Variants in CTNNA1 observed in about 807,000 individuals in gnomAD.
CTNNA1 encodes catenin alpha-1.
CTNNA1 carries 37 observed loss-of-function variants against 98.4 expected under a neutral mutation model. That is an observed-to-expected ratio of 0.38 (90% confidence interval 0.29 to 0.49). CTNNA1 has a LOEUF of 0.49. CTNNA1 is among the 20% of genes least tolerant of loss of function. CTNNA1 has a pLI of 0.95. For synonymous variants in CTNNA1, 404 were observed against 413.2 expected, an observed-to-expected ratio of 0.98 and a Z score of 0.27; for missense variants, 761 against 1,147.2, an observed-to-expected ratio of 0.66 and a Z score of 4.86.
chr5:138,917,801 C>T lies in CTNNA1; in HGVS notation c.1449C>T (p.Asn483=), dbSNP rs1162782641. 5.0e-6 allele frequency: 8 copies of T among 1,614,148 alleles called. No homozygotes were observed. Among genetic ancestry groups the T allele is most frequent in the Non-Finnish European group, 6.8e-6 (8 of 1,180,014 alleles). Residue 483 remains asparagine, a synonymous_variant, in exon 11 of 18, where the codon AAC becomes AAT. Coordinates refer to ENST00000302763, the MANE Select transcript of CTNNA1 (RefSeq NM_001903.5). The part of the protein sequence containing the change: ...AKPQSKLAQE[N]MDLFKEQWEK... Reference sequence around the variant, plus strand: ...CACAGAGTAAACTGGCCCAAGAGAACATGGATCTTTTTAAAGAACAATGGG... The same window carrying T: ...CACAGAGTAAACTGGCCCAAGAGAATATGGATCTTTTTAAAGAACAATGGG...
chr5:138,914,009 C>A (rs904736088), intron 10 of CTNNA1, among the ~76,000 whole-genome samples: 1 of 152,204 alleles, frequency 6.6e-6, no homozygotes, highest in Non-Finnish European at 1.5e-5. Flanking sequence ...AGCCACTGTG[C>A]TCAGCCAGGA....
chr5:138,908,411 T>C (rs1759763921), intron 10 of CTNNA1, among the ~76,000 whole-genome samples: 1 of 152,222 alleles, frequency 6.6e-6, no homozygotes, highest in Non-Finnish European at 1.5e-5. Context: ...CTCACATCTG[T>C]AATCCCAGCA....
chr5:138,811,947 G>A (rs907546513), intron 4 of CTNNA1: 14 of 371,322 alleles, frequency 3.8e-5, no homozygotes, highest in South Asian at 2.2e-4. Context: ...AGAGGGAGAG[G>A]GAGGGGAAGG....
intron 7 of CTNNA1, among the ~76,000 whole-genome samples, chr5:138,850,953 G>A (rs965673232): frequency 5.3e-5 from 8 of 152,140 alleles, no homozygotes; most frequent in Admixed American, 3.9e-4. Flanking sequence ...GTTCTGTTAG[G>A]GGAATATTGA....
At chr5:138,766,550 C>T (rs1336242311) in intron 1 of CTNNA1, among the ~76,000 whole-genome samples, 1 of 151,326 alleles carries the variant, frequency 6.6e-6, no homozygotes, top group Non-Finnish European at 1.5e-5. Context: ...TATTCTCAAC[C>T]AGAGATAACA....
chr5:138,839,144 A>G (rs1475397937), intron 7 of CTNNA1, among the ~76,000 whole-genome samples: 2 of 152,132 alleles, frequency 1.3e-5, no homozygotes, highest in African/African-American at 4.8e-5. Flanking sequence ...AAATTTGTTA[A>G]TTGAGCCTTG....
chr5:138,795,752 T>TC (rs1491190830), intron 3 of CTNNA1, among the ~76,000 whole-genome samples: 2 of 148,768 alleles, frequency 1.3e-5, no homozygotes, highest in African/African-American at 5.0e-5. Context: ...ACTTTCTCTC[T>TC]TTTTTTTTTC....
chr5:138,832,031 A>G (rs1224681373), intron 7 of CTNNA1, among the ~76,000 whole-genome samples: 1 of 152,228 alleles, frequency 6.6e-6, no homozygotes, highest in Admixed American at 6.5e-5. Context: ...CTTTCACTAT[A>G]CAGATGACAT....
intron 9 of CTNNA1, among the ~76,000 whole-genome samples, chr5:138,902,772 A>G (rs1342691692): frequency 6.6e-6 from 1 of 152,208 alleles, no homozygotes; most frequent in Non-Finnish European, 1.5e-5. Context: ...GATCATCATC[A>G]GATTTTATGT....
At chr5:138,780,239 G>A (rs139397708) in intron 1 of CTNNA1, among the ~76,000 whole-genome samples, 58 of 151,546 alleles carry the variant, frequency 3.8e-4, no homozygotes, top group South Asian at 1.7e-3. Flanking sequence ...CGCCCAGGCC[G>A]GACTGCAGTG....
intron 9 of CTNNA1, among the ~76,000 whole-genome samples, chr5:138,897,682 G>C (rs901206444): frequency 6.6e-6 from 1 of 152,172 alleles, no homozygotes; most frequent in African/African-American, 2.4e-5. Context: ...AAGCATACTA[G>C]CTTGATTTTT....
intron 3 of CTNNA1, among the ~76,000 whole-genome samples, chr5:138,785,427 C>T (rs973929529): frequency 2.6e-5 from 4 of 152,188 alleles, no homozygotes; most frequent in African/African-American, 9.6e-5. Context: ...TTGAGGAAAT[C>T]AGGCTATTAC....
intron 1 of CTNNA1, 55 bp downstream of exon 1, chr5:138,753,565 G>A (rs1751238174): frequency 5.4e-6 from 2 of 369,702 alleles, no homozygotes; most frequent in East Asian, 3.9e-5. Context: ...GGCCGAGAGG[G>A]TCCTTGGGCC....
chr5:138,799,668 A>G (rs1003151252), intron 3 of CTNNA1, among the ~76,000 whole-genome samples: 1 of 148,964 alleles, frequency 6.7e-6, no homozygotes, highest in Non-Finnish European at 1.5e-5. Flanking sequence ...AAGTTTGAGG[A>G]CCTCATTTTT....
chr5:138,827,126 T>C (rs1760804174), intron 6 of CTNNA1, among the ~76,000 whole-genome samples: 1 of 152,250 alleles, frequency 6.6e-6, no homozygotes, highest in Non-Finnish European at 1.5e-5. Context: ...GTTCTAAATA[T>C]CACATGGCAG....
At chr5:138,825,151 G>A (rs1415866741) in intron 6 of CTNNA1, among the ~76,000 whole-genome samples, 1 of 152,028 alleles carries the variant, frequency 6.6e-6, no homozygotes, top group East Asian at 1.9e-4. Context: ...GTACACGTAG[G>A]GTCAGCCCCC....
In CTNNA1 at chr5:138,930,793, C is replaced by T. The variant is rs755963191; in HGVS notation, c.2193-37C>T. ...TTTCTACTCCAACTGTGAGGGGCTT[C>T]ACATACAATAATCCTTGTTCTCTTC... On this transcript the variant is annotated intron_variant, in intron 15 of 17. Coordinates refer to ENST00000302763, the MANE Select transcript of CTNNA1 (RefSeq NM_001903.5). The T allele has an allele frequency of 1.6e-5, 24 of 1,536,010 alleles. No individual in the cohort carries two copies. The Admixed American group carries it at 2.8e-4, about 18-fold the overall frequency.
chr5:138,813,248 C>G (rs968258076), intron 5 of CTNNA1, among the ~76,000 whole-genome samples: 7 of 152,206 alleles, frequency 4.6e-5, no homozygotes, highest in African/African-American at 1.7e-4. Flanking sequence ...GCTGCAGAGG[C>G]TCTTTGCATG....
intron 13 of CTNNA1, among the ~76,000 whole-genome samples, chr5:138,928,611 C>T (rs766447818): frequency 3.3e-5 from 5 of 152,068 alleles, no homozygotes; most frequent in African/African-American, 9.7e-5. Flanking sequence ...CTTAAAATGC[C>T]GGTGTTGGGG....
Sources: gnomAD v4.1 joint callset for allele counts (sites outside exome capture counted in the v4.1 genomes callset) on GRCh38, gnomAD v4.1.1 for gene constraint, MANE v1.5 for transcripts, NCBI Gene and HGNC (gene_info 2026-07-23, HGNC 2026-07-21) for gene names.